KRABD4: variants seen among roughly 807,000 people sequenced by gnomAD.
KRABD4 encodes KRAB domain-containing protein 4.
At chrX:46,460,394 G>A in the KRABD4 span, among the ~76,000 whole-genome samples, 1 of 103,414 alleles carries the variant, frequency 9.7e-6, no homozygotes, top group Non-Finnish European at 2.0e-5. Context: ...TCCAGCCTGG[G>A]CAACAAGAGC....
chrX:46,463,191 C>A, the KRABD4 span: 1 of 1,207,792 alleles, frequency 8.3e-7, no homozygotes, highest in East Asian at 3.0e-5. Context: ...TCATTTCCCC[C>A]GAACAGGGTA....
chrX:46,465,144 A>C, the KRABD4 span, among the ~76,000 whole-genome samples: 3 of 112,827 alleles, frequency 2.7e-5, no homozygotes, highest in Non-Finnish European at 3.7e-5. Flanking sequence ...TTGTAACTTT[A>C]AATAATATAG....
the KRABD4 span, chrX:46,463,082 C>T: frequency 1.1e-6 from 1 of 950,616 alleles, no homozygotes; most frequent in Admixed American, 2.6e-5. Flanking sequence ...ATGTTCTGTA[C>T]TGAGGGGCAG....
chrX:46,456,158 G>C, the KRABD4 span: 1 of 192,224 alleles, frequency 5.2e-6, no homozygotes, highest in East Asian at 1.3e-4. Flanking sequence ...CTATAGGATA[G>C]ATAGCCTTGC....
chrX:46,449,980 C>T, the KRABD4 span, among the ~76,000 whole-genome samples: 1 of 111,126 alleles, frequency 9.0e-6, no homozygotes, highest in Admixed American at 9.6e-5. Context: ...TGGTCTCGAA[C>T]TCCTGGGCTC....
At chrX:46,455,543 T>C in the KRABD4 span, 3 of 441,447 alleles carry the variant, frequency 6.8e-6, no homozygotes, top group Non-Finnish European at 1.3e-5. Flanking sequence ...TGTTGCTAGT[T>C]TAAACATGGG....
At chrX:46,472,620 G>A in the KRABD4 span, 5 of 681,825 alleles carry the variant, frequency 7.3e-6, no homozygotes, top group Non-Finnish European at 1.1e-5. Flanking sequence ...GACATGGGGA[G>A]GGTCCATCCA....
chrX:46,458,473 A>C, the KRABD4 span, among the ~76,000 whole-genome samples: 1 of 111,918 alleles, frequency 8.9e-6, no homozygotes, highest in Admixed American at 9.5e-5. Flanking sequence ...ATGAAGACTC[A>C]TAGTAACAGA....
the KRABD4 span, among the ~76,000 whole-genome samples, chrX:46,458,438 C>G: frequency 9.3e-4 from 104 of 111,708 alleles, no homozygotes; most frequent in Non-Finnish European, 3.8e-4. Flanking sequence ...TTTAATATAT[C>G]AATAAGACAA....
chrX:46,454,574 C>G, the KRABD4 span, among the ~76,000 whole-genome samples: 1 of 111,407 alleles, frequency 9.0e-6, no homozygotes, highest in Non-Finnish European at 1.9e-5. Flanking sequence ...GAGGCCGAGG[C>G]AGGCGGATCA....
chrX:46,455,860 T>A, the KRABD4 span: 1 of 333,168 alleles, frequency 3.0e-6, no homozygotes, highest in Non-Finnish European at 5.6e-6. Context: ...TTGAGTCAAA[T>A]CAGATAACAT....
At chrX:46,455,313 T>C in the KRABD4 span, 1 of 620,810 alleles carries the variant, frequency 1.6e-6, no homozygotes, top group Non-Finnish European at 2.6e-6. Context: ...AATCATCCTT[T>C]CTGCAATCAC....
chrX:46,463,019 G>A, the KRABD4 span: 49 of 1,088,502 alleles, frequency 4.5e-5, 1 homozygote, highest in South Asian at 1.7e-4. Flanking sequence ...TGTAGTATTC[G>A]TAGTCTCCTT....
chrX:46,457,210 A>C, the KRABD4 span: 18 of 229,734 alleles, frequency 7.8e-5, no homozygotes, highest in Admixed American at 2.6e-4. Flanking sequence ...CTTCTCTGCC[A>C]TGCCACCCAC....
the KRABD4 span, chrX:46,474,189 TAAAG>T: frequency 8.9e-6 from 1 of 111,743 alleles, no homozygotes; most frequent in African/African-American, 3.3e-5. Flanking sequence ...CTTGACTTAA[TAAAG>T]AAAAAAAATG....
the KRABD4 span, chrX:46,454,387 T>G: frequency 8.8e-6 from 1 of 113,054 alleles, no homozygotes; most frequent in Non-Finnish European, 1.9e-5. Flanking sequence ...AGACTTCATT[T>G]GCAGAATTGT....
chrX:46,455,068 A>C, the KRABD4 span: 1 of 406,703 alleles, frequency 2.5e-6, no homozygotes, highest in South Asian at 3.4e-5. Context: ...ATTTTTACTG[A>C]ATTTTCCTGT....
At chrX:46,466,005 C>T in the KRABD4 span, among the ~76,000 whole-genome samples, 1 of 111,518 alleles carries the variant, frequency 9.0e-6, no homozygotes, top group African/African-American at 3.3e-5. Context: ...ATATTTTTCC[C>T]TCTGTCTCCT....
chrX:46,460,622 C>T, the KRABD4 span, among the ~76,000 whole-genome samples: 1 of 93,525 alleles, frequency 1.1e-5, no homozygotes, highest in South Asian at 4.9e-4. Context: ...TGGTTGTTGT[C>T]GTTATTGTTG....
Sources: allele counts gnomAD v4.1 joint callset (sites outside exome capture counted in the v4.1 genomes callset), GRCh38; gene constraint gnomAD v4.1.1; transcripts MANE v1.5; gene names NCBI Gene and HGNC (gene_info 2026-07-23, HGNC 2026-07-21).